CDC5L: variants seen among roughly 807,000 people sequenced by gnomAD.
CDC5L encodes the protein cell division cycle 5-like protein.
In CDC5L, 18 loss-of-function variants were observed where a neutral mutation model predicts 104.1. The ratio of observed to expected loss-of-function variants is 0.17; its 90% CI spans 0.12 to 0.26. CDC5L has a LOEUF of 0.26. Ranked by LOEUF, CDC5L falls within the 10% of genes least tolerant of loss-of-function variation. The pLI, the probability that CDC5L is intolerant of heterozygous loss-of-function variation, is 1.00. For synonymous variants in CDC5L, 331 were observed against 322.7 expected (o/e 1.03, Z -0.28); for missense variants, 673 against 956.9 (o/e 0.70, Z 3.91).
At chr6:44,442,524 A>G (rs1413834381) in intron 14 of CDC5L, among the ~76,000 whole-genome samples, 1 of 152,068 alleles carries the variant, frequency 6.6e-6, no homozygotes, top group Non-Finnish European at 1.5e-5. Flanking sequence ...CAGCTTATAT[A>G]ACGGTATTTT....
intron 5 of CDC5L, among the ~76,000 whole-genome samples, chr6:44,398,763 G>T (rs1790987505): frequency 1.3e-5 from 2 of 152,094 alleles, no homozygotes; most frequent in African/African-American, 2.4e-5. Flanking sequence ...ATTATTTAAA[G>T]AATGAAATTA....
chr6:44,404,573 G>A (rs772009230), intron 6 of CDC5L, among the ~76,000 whole-genome samples: 25 of 152,012 alleles, frequency 1.6e-4, no homozygotes, highest in Non-Finnish European at 3.2e-4. Flanking sequence ...GAAATGCATG[G>A]CTCTCAATTG....
chr6:44,441,959 A>T (rs1307784726), intron 14 of CDC5L, among the ~76,000 whole-genome samples: 2 of 95,684 alleles, frequency 2.1e-5, no homozygotes, highest in African/African-American at 4.9e-5. Flanking sequence ...TTTTTTTGAG[A>T]CAGAGCCTCC....
chr6:44,412,446 C>T (rs543497357), intron 8 of CDC5L, among the ~76,000 whole-genome samples: 30 of 151,790 alleles, frequency 2.0e-4, no homozygotes, highest in African/African-American at 2.7e-4. Context: ...AGGCTGGTCT[C>T]GAATTCCTGG....
chr6:44,439,234 AT>A (rs1402176896), intron 14 of CDC5L, among the ~76,000 whole-genome samples: 1 of 152,150 alleles, frequency 6.6e-6, no homozygotes, highest in Non-Finnish European at 1.5e-5. Flanking sequence ...ATAATACCAC[AT>A]TTTATTTATC....
chr6:44,409,545 A>G (rs1791535969), intron 8 of CDC5L, among the ~76,000 whole-genome samples: 1 of 152,232 alleles, frequency 6.6e-6, no homozygotes, highest in Non-Finnish European at 1.5e-5. Context: ...ATAGCATACC[A>G]TTGTACTTTG....
At chr6:44,415,973 A>G (rs1251280875) in intron 8 of CDC5L, among the ~76,000 whole-genome samples, 1 of 152,128 alleles carries the variant, frequency 6.6e-6, no homozygotes, top group East Asian at 1.9e-4. Flanking sequence ...AAATTTTGAT[A>G]AATTTTGTTT....
At position 44,421,757 on chromosome 6, in the gene CDC5L, A is replaced by T. The variant is rs11572002; in HGVS notation, c.1242-890A>T. On this transcript the variant is annotated intron_variant, in intron 9 of 15. Transcript: ENST00000371477. ...ATTATAAGTAACCTAGAGATGATTT[A>T]AAGTACATGGGAGGATGTGCATACG... is the stretch of plus-strand genomic sequence containing the variant. Among the ~76,000 whole-genome samples the T allele has an allele frequency of 9.9e-3, 1,514 of 152,374 alleles. 11 individuals carry two copies. The highest frequency in any genetic ancestry group is 0.031 in the Middle Eastern group (9 of 294).
rs1790677602 is a variant in CDC5L, at chr6:44,392,755, A to G, written c.238A>G (p.Thr80Ala). 6.2e-7 allele frequency: 1 copy of G among 1,614,166 alleles called. No individual in the cohort carries two copies. Among genetic ancestry groups the G allele is most frequent in the Non-Finnish European group, 8.5e-7 (1 of 1,180,010 alleles). ...KLLHLAKLMPTQWRTIAPIIG... is the reference protein window; with the variant it reads ...KLLHLAKLMPAQWRTIAPIIG... ...CTTGCACTTGGCCAAGTTGATGCCA[A>G]CTCAGTGGAGGACCATTGCTCCAAT... Residue 80 changes from threonine to alanine, a missense_variant, in exon 3 of 16, where the codon ACT (threonine) becomes GCT (alanine). Physicochemically the swap from Thr to Ala is moderately conservative, Grantham distance 58. Coordinates refer to ENST00000371477, the MANE Select transcript of CDC5L (RefSeq NM_001253.4).
At chr6:44,394,889 TATACACACACAC>T (rs1185395446) in intron 4 of CDC5L, among the ~76,000 whole-genome samples, 15 of 27,478 alleles carry the variant, frequency 5.5e-4, no homozygotes, top group South Asian at 1.2e-3. Flanking sequence ...AAAAAAATGG[TATACACACACAC>T]ACACACACAC....
intron 5 of CDC5L, 36 bp downstream of exon 5, chr6:44,396,476 T>C (rs1464697465): frequency 2.2e-6 from 3 of 1,347,210 alleles, no homozygotes; most frequent in Non-Finnish European, 2.1e-6. Flanking sequence ...GCAAAGTGTT[T>C]TTCTCACATA....
intron 14 of CDC5L, among the ~76,000 whole-genome samples, chr6:44,434,268 A>G (rs1170136265): frequency 6.6e-6 from 1 of 152,166 alleles, no homozygotes; most frequent in Non-Finnish European, 1.5e-5. Context: ...TGCTTTGTTC[A>G]TGTATTACTG....
intron 5 of CDC5L, among the ~76,000 whole-genome samples, chr6:44,399,048 G>A (rs748699677): frequency 1.3e-5 from 2 of 152,188 alleles, no homozygotes; most frequent in Non-Finnish European, 2.9e-5. Flanking sequence ...TGCACACCTG[G>A]GCTCAAGCAG....
chr6:44,445,168 A>G (rs1793390814), intron 14 of CDC5L, among the ~76,000 whole-genome samples: 1 of 152,106 alleles, frequency 6.6e-6, no homozygotes, highest in Admixed American at 6.6e-5. Flanking sequence ...ATCTAGGAAG[A>G]CTTGCACTAG....
At chr6:44,397,474 A>G (rs1380912450) in intron 5 of CDC5L, among the ~76,000 whole-genome samples, 2 of 152,104 alleles carry the variant, frequency 1.3e-5, no homozygotes, top group Admixed American at 6.5e-5. Context: ...TCCCCCAACC[A>G]TTTCAGAATA....
At chr6:44,430,686 C>T (rs1351229642) in intron 14 of CDC5L, among the ~76,000 whole-genome samples, 5 of 151,594 alleles carry the variant, frequency 3.3e-5, no homozygotes, top group Admixed American at 2.6e-4. Context: ...GATTCTCCTG[C>T]CTCAGCCTCC....
intron 11 of CDC5L, among the ~76,000 whole-genome samples, chr6:44,425,686 T>C (rs1387162246): frequency 1.3e-5 from 2 of 152,224 alleles, no homozygotes; most frequent in African/African-American, 4.8e-5. Flanking sequence ...GCATGAAATT[T>C]TAATGTGTTA....
intron 5 of CDC5L, 49 bp from the exon 6 acceptor site, chr6:44,403,760 C>T (rs773609447): frequency 4.7e-6 from 6 of 1,274,482 alleles, no homozygotes; most frequent in Non-Finnish European, 5.5e-6. Context: ...GATAATTTAT[C>T]CCTGTCACAT....
intron 5 of CDC5L, among the ~76,000 whole-genome samples, chr6:44,400,626 C>T (rs1472048293): frequency 6.6e-6 from 1 of 152,192 alleles, no homozygotes; most frequent in South Asian, 2.1e-4. Flanking sequence ...AGATGATCCA[C>T]CTGCCTTGGC....
Sources: gnomAD v4.1 joint callset for allele counts (sites outside exome capture counted in the v4.1 genomes callset) on GRCh38, gnomAD v4.1.1 for gene constraint, MANE v1.5 for transcripts, NCBI Gene and HGNC (gene_info 2026-07-23, HGNC 2026-07-21) for gene names.